Variants in WNK2 observed in about 807,000 individuals in gnomAD.
WNK2 encodes the protein WNK lysine deficient protein kinase 2.
Under a neutral mutation model 192.1 loss-of-function variants are expected in WNK2, and 67 were observed. That is an observed-to-expected ratio of 0.35 (90% CI 0.29 to 0.43). The LOEUF is 0.43. Ranked by LOEUF, WNK2 falls within the 20% of genes least tolerant of loss-of-function variation. The probability of loss-of-function intolerance (pLI) is 1.00; values close to 1 mark genes in which losing one functional copy is unlikely to be tolerated. For missense variants in WNK2, 2,698 were observed against 3,089.7 expected, an observed-to-expected ratio of 0.87 and a Z score of 3.01; for synonymous variants, 1,439 against 1,393.9, an observed-to-expected ratio of 1.03 and a Z score of -0.72.
chr9:93,299,649 A>G (rs1851243457), intron 25 of WNK2, among the ~76,000 whole-genome samples: 1 of 152,088 alleles, frequency 6.6e-6, no homozygotes. Flanking sequence ...GTCCTTCCAA[A>G]GTCCAGAGGG....
chr9:93,247,533 G>T lies in WNK2; in HGVS notation c.1543-10G>T, dbSNP rs1283748078. On this transcript the variant is annotated splice_polypyrimidine_tract_variant and intron_variant, in intron 7 of 29. Coordinates refer to ENST00000427277, the MANE Select transcript of WNK2 (RefSeq NM_006648.4). The surrounding 1 kb of genome is among the most constrained non-coding windows in gnomAD (Gnocchi z 5.2). Reference sequence around the variant, plus strand: ...CCCCAGCGATGCTGACAACATGACTGCCTTTACAGATTGAGTCTGGATTCT... The same window carrying T: ...CCCCAGCGATGCTGACAACATGACTTCCTTTACAGATTGAGTCTGGATTCT... 1.2e-6 allele frequency: 2 copies of T among 1,608,028 alleles called. No individual in the cohort carries two copies. The highest frequency in any genetic ancestry group is 1.7e-5 in the Admixed American group (1 of 59,426).
At chr9:93,302,105 C>T (rs145441679) in intron 26 of WNK2, among the ~76,000 whole-genome samples, 144 of 152,344 alleles carry the variant, frequency 9.5e-4, no homozygotes, top group Non-Finnish European at 1.7e-3. Context: ...TCCACTGGCA[C>T]ATCTGCTGCT....
intron 2 of WNK2, among the ~76,000 whole-genome samples, chr9:93,192,450 A>G (rs1035252896): frequency 3.9e-5 from 6 of 152,004 alleles, no homozygotes; most frequent in African/African-American, 1.5e-4. Flanking sequence ...TTGGCTTGGG[A>G]CATGCTTAAT....
At chr9:93,260,470 G>T (rs979584719) in intron 12 of WNK2, among the ~76,000 whole-genome samples, 1 of 152,110 alleles carries the variant, frequency 6.6e-6, no homozygotes, top group Non-Finnish European at 1.5e-5. Flanking sequence ...TGTAACTGTG[G>T]CACAGCCCTG....
At chr9:93,286,092 T>C (rs1848406160) in intron 19 of WNK2, among the ~76,000 whole-genome samples, 1 of 152,224 alleles carries the variant, frequency 6.6e-6, no homozygotes, top group Non-Finnish European at 1.5e-5. Flanking sequence ...AGTATCATTA[T>C]GGCCCCCACG....
Position 93,231,104 on chromosome 9 carries a change from G to A in WNK2, c.1071G>A (p.Val357=), listed in dbSNP as rs1212673678. Reference sequence around the variant, plus strand: ...AAAGAGCGTCATTTGCCAAAAGTGTGATAGGTAAACCTGCTTCTCCTCCCC... The same window carrying A: ...AAAGAGCGTCATTTGCCAAAAGTGTAATAGGTAAACCTGCTTCTCCTCCCC... ...TLKRASFAKS[V]IGTPEFMAPE... Residue 357 remains valine, a synonymous_variant, in exon 4 of 30, where the codon GTG becomes GTA. Transcript: ENST00000427277. 7 of 1,613,902 alleles carry A rather than the reference G, an allele frequency of 4.3e-6. No homozygotes were observed. The South Asian group carries it at 4.4e-5, about 10-fold the overall frequency.
intron 28 of WNK2, chr9:93,308,991 C>T (rs1046724067): frequency 2.4e-5 from 25 of 1,024,852 alleles, no homozygotes; most frequent in Non-Finnish European, 2.9e-5. Flanking sequence ...ACCCAAGTGA[C>T]ACCAGCGTCT....
At chr9:93,318,372 C>T (rs1855098167) in intron 29 of WNK2, 1 of 1,613,162 alleles carries the variant, frequency 6.2e-7, no homozygotes, top group Non-Finnish European at 8.5e-7. Context: ...CTGCTTTGTC[C>T]TCAGTAGAGT....
chr9:93,192,488 G>A (rs1313796915), intron 2 of WNK2, among the ~76,000 whole-genome samples: 3 of 152,020 alleles, frequency 2.0e-5, no homozygotes, highest in Admixed American at 6.5e-5. Flanking sequence ...GGCCAAGGGT[G>A]GTCCTCGGGT....
intron 2 of WNK2, among the ~76,000 whole-genome samples, chr9:93,195,022 TAA>T (rs78816049): frequency 7.1e-5 from 10 of 139,980 alleles, no homozygotes; most frequent in Admixed American, 1.4e-4. Context: ...TGAAGACAGT[TAA>T]AAAAAAAAAA....
chr9:93,233,467 G>C (rs556170785), intron 4 of WNK2, among the ~76,000 whole-genome samples: 1 of 152,014 alleles, frequency 6.6e-6, no homozygotes, highest in Admixed American at 6.6e-5. Flanking sequence ...AGGCTGAGGC[G>C]GGCGGATCAT....
rs1841926453 is a variant in WNK2, at chr9:93,247,472, A to G, written c.1543-71A>G. On this transcript the variant is annotated intron_variant, in intron 7 of 29. Transcript: ENST00000427277. This position sits in a 1 kb window ranked among gnomAD's most constrained non-coding sequence, Gnocchi z 5.2. ...GTGGATGAGCCAGTGATGGGAAAGC[A>G]CTTTAGGTAAGGGGTGTGGGCCGGT... 12 of 1,525,728 alleles carry G rather than the reference A, an allele frequency of 7.9e-6. No individual in the cohort carries two copies. Among genetic ancestry groups the G allele is most frequent in the Non-Finnish European group, 9.8e-6 (11 of 1,123,750 alleles). 94.5% of individuals were successfully genotyped at this position (1,525,728 alleles called of 1,614,324 possible).
intron 7 of WNK2, 31 bp downstream of exon 7, chr9:93,240,007 T>C: frequency 6.3e-7 from 1 of 1,590,240 alleles, no homozygotes; most frequent in Non-Finnish European, 8.6e-7. Context: ...GTGAGGTGGG[T>C]GCAGGTGTTG....
chr9:93,200,987 G>A (rs1485889780), intron 2 of WNK2, among the ~76,000 whole-genome samples: 3 of 152,114 alleles, frequency 2.0e-5, no homozygotes, highest in Non-Finnish European at 2.9e-5. Flanking sequence ...AAAGGTAAAG[G>A]AAAATAAAAT....
intron 4 of WNK2, among the ~76,000 whole-genome samples, chr9:93,231,573 C>A (rs1384668612): frequency 6.6e-6 from 1 of 152,224 alleles, no homozygotes; most frequent in African/African-American, 2.4e-5. Flanking sequence ...GACGCTGGAG[C>A]TCCCAGTGTC....
intron 28 of WNK2, chr9:93,316,182 T>C (rs1854630823): frequency 1.3e-5 from 2 of 152,268 alleles, no homozygotes; most frequent in Admixed American, 1.3e-4. Flanking sequence ...ACTCTCTTCA[T>C]GACTGAAGTT....
chr9:93,319,344 G>A lies in WNK2; in HGVS notation c.6629-1023G>A, dbSNP rs971976077. 5.8e-6 allele frequency: 8 copies of A among 1,385,426 alleles called. No homozygotes were observed. In the African/African-American group the frequency reaches 8.8e-5, roughly 15 times the overall value. 85.8% of individuals were successfully genotyped at this position (1,385,426 alleles called of 1,614,324 possible). A position where few individuals can be genotyped will look rare whatever the true frequency, so the allele number is the denominator to read the frequency against. ...CACCTCTGGAGGAGGGTGCTGAGGGGCTGCGGGTGCTGGGCTGGGCTGTCC... is the reference window on the plus strand; with the variant it reads ...CACCTCTGGAGGAGGGTGCTGAGGGACTGCGGGTGCTGGGCTGGGCTGTCC... On this transcript the variant is annotated intron_variant, in intron 29 of 29. Transcript: ENST00000427277.
At chr9:93,300,518 T>C (rs922194018) in intron 26 of WNK2, among the ~76,000 whole-genome samples, 2 of 152,220 alleles carry the variant, frequency 1.3e-5, no homozygotes, top group African/African-American at 4.8e-5. Context: ...GTAGTTTTTT[T>C]TTCTGTTGCA....
intron 8 of WNK2, among the ~76,000 whole-genome samples, chr9:93,252,351 G>A (rs1446437022): frequency 6.6e-6 from 1 of 152,234 alleles, no homozygotes; most frequent in Non-Finnish European, 1.5e-5. Context: ...CACCACACAG[G>A]GGAATAGTGG....
Sources: allele counts gnomAD v4.1 joint callset (sites outside exome capture counted in the v4.1 genomes callset), GRCh38; gene constraint gnomAD v4.1.1; non-coding constraint Gnocchi (gnomAD v3.1); transcripts MANE v1.5; gene names NCBI Gene and HGNC (gene_info 2026-07-23, HGNC 2026-07-21).